The following ADAMTS14 variants were observed in gnomAD, a reference collection of about 807,000 sequenced individuals.
ADAMTS14 encodes ADAM metallopeptidase with thrombospondin type 1 motif 14.
In ADAMTS14, 100 loss-of-function variants were observed where a neutral mutation model predicts 128.6. The ratio of observed to expected loss-of-function variants is 0.78; its 90% CI spans 0.66 to 0.92. The LOEUF is 0.92. Ranked by LOEUF, ADAMTS14 falls within the 40% of genes least tolerant of loss-of-function variation. ADAMTS14 has a pLI of 0.00. For missense variants in ADAMTS14, 1,562 were observed against 1,658.6 expected (o/e 0.94, Z 1.01); for synonymous variants, 665 against 653.8 (o/e 1.02, Z -0.26).
intron 9 of ADAMTS14, among the ~76,000 whole-genome samples, chr10:70,735,985 C>A (rs1437324420): frequency 6.6e-6 from 1 of 152,216 alleles, no homozygotes; most frequent in Non-Finnish European, 1.5e-5. Context: ...CTCTTCACCT[C>A]CGTGGAATGG....
Position 70,753,994 on chromosome 10 carries a change from G to T in ADAMTS14, c.2924G>T (p.Gly975Val). 1 of 1,566,904 alleles carries T rather than the reference G, an allele frequency of 6.4e-7. No individual in the cohort carries two copies. The change falls in exon 19 of 22, where the codon GGA becomes GTA. Residue 975 changes from glycine (G) to valine (V), a missense_variant. By Grantham distance (109) the Gly-to-Val change is moderately radical. Coordinates refer to ENST00000373207, the MANE Select transcript of ADAMTS14 (RefSeq NM_080722.4). ...RVPCPAQWRL[G>V]AWSQCSATCG... Reference sequence around the variant, plus strand: ...CCCTGCCCAGCCCAGTGGAGGCTGGGAGCCTGGTCCCAGGTGACTTGTCCT... The same window carrying T: ...CCCTGCCCAGCCCAGTGGAGGCTGGTAGCCTGGTCCCAGGTGACTTGTCCT...
intron 18 of ADAMTS14, among the ~76,000 whole-genome samples, chr10:70,753,416 C>A (rs1842402012): frequency 6.6e-6 from 1 of 152,116 alleles, no homozygotes; most frequent in Non-Finnish European, 1.5e-5. Flanking sequence ...TGTTTTGTGC[C>A]CTGACGCTTC....
In ADAMTS14 at chr10:70,736,724, T is replaced by C; in HGVS notation, c.1530T>C (p.Pro510=). The change falls in exon 10 of 22, where the codon CCT becomes CCC. Residue 510 remains proline, a synonymous_variant. Coordinates refer to ENST00000373207, the MANE Select transcript of ADAMTS14 (RefSeq NM_080722.4). ...GCAAGCAGCTGTGGTGCAGCCATCC[T>C]GACAACCCGTACTTCTGCAAGACCA... ...EPCKQLWCSH[P]DNPYFCKTKK... 6.2e-7 allele frequency: 1 copy of C among 1,613,930 alleles called. No homozygotes were observed.
At chr10:70,725,275 A>T (rs1463585453) in intron 4 of ADAMTS14, among the ~76,000 whole-genome samples, 1 of 152,142 alleles carries the variant, frequency 6.6e-6, no homozygotes. Flanking sequence ...CGTGGAAGGG[A>T]AGGCTGAACA....
chr10:70,721,811 T>C (rs936571075), intron 4 of ADAMTS14, among the ~76,000 whole-genome samples: 4 of 152,234 alleles, frequency 2.6e-5, no homozygotes, highest in African/African-American at 9.6e-5. Flanking sequence ...AGCATAGTCC[T>C]CAGTGTGTGA....
intron 2 of ADAMTS14, among the ~76,000 whole-genome samples, chr10:70,693,156 T>TA (rs1239812860): frequency 6.6e-6 from 1 of 152,098 alleles, no homozygotes; most frequent in East Asian, 1.9e-4. Flanking sequence ...AGAACTCACT[T>TA]ACCACCAAGG....
chr10:70,761,261 ATTTG>A lies in ADAMTS14; in HGVS notation c.*409_*412del. On this transcript the variant is annotated 3_prime_UTR_variant, in exon 22 of 22. Coordinates refer to ENST00000373207, the MANE Select transcript of ADAMTS14 (RefSeq NM_080722.4). ...GAGGACCCCTGTGGAGGCCCTGCAT[ATTTG>A]GCCCCTCTCCCCAGAAAGGCAAAGC... is the stretch of plus-strand genomic sequence containing the variant. 1 of 166,836 alleles carries A rather than the reference ATTTG, an allele frequency of 6.0e-6. No individual in the cohort carries two copies. 10.3% of individuals were successfully genotyped at this position (166,836 alleles called of 1,614,324 possible). A position where few individuals can be genotyped will look rare whatever the true frequency, so the allele number is the denominator to read the frequency against.
At chr10:70,673,818 C>A (rs73276149) in intron 1 of ADAMTS14, among the ~76,000 whole-genome samples, 1 of 152,074 alleles carries the variant, frequency 6.6e-6, no homozygotes, top group Non-Finnish European at 1.5e-5. Flanking sequence ...AGGAGAGCTG[C>A]GTGAGGATGG....
At chr10:70,716,658 C>G (rs375376398) in intron 4 of ADAMTS14, among the ~76,000 whole-genome samples, 1 of 152,208 alleles carries the variant, frequency 6.6e-6, no homozygotes. Flanking sequence ...TTGCATTCCC[C>G]TTGGAACACC....
intron 4 of ADAMTS14, among the ~76,000 whole-genome samples, chr10:70,723,513 T>C (rs1345940332): frequency 6.6e-6 from 1 of 152,236 alleles, no homozygotes; most frequent in Non-Finnish European, 1.5e-5. Flanking sequence ...AACTTTTAGC[T>C]GAACCTAAAG....
chr10:70,745,404 T>C (rs1564554204), intron 15 of ADAMTS14, 98 bp downstream of exon 15: 1 of 1,289,846 alleles, frequency 7.8e-7, no homozygotes, highest in African/African-American at 1.5e-5. Flanking sequence ...CTAGTACAAG[T>C]GGAATTGTAC....
At chr10:70,701,137 G>C (rs1465992748) in intron 2 of ADAMTS14, among the ~76,000 whole-genome samples, 1 of 152,226 alleles carries the variant, frequency 6.6e-6, no homozygotes, top group African/African-American at 2.4e-5. Context: ...GAAAAGGTTG[G>C]CTGCTGCTGG....
chr10:70,687,428 A>C (rs1589262883), intron 2 of ADAMTS14, among the ~76,000 whole-genome samples: 1 of 23,414 alleles, frequency 4.3e-5, no homozygotes, highest in Non-Finnish European at 8.0e-5. Flanking sequence ...GGCGCCCCTC[A>C]ACTCCCAGAC....
chr10:70,736,043 T>G (rs1168838210), intron 9 of ADAMTS14, among the ~76,000 whole-genome samples: 2 of 152,198 alleles, frequency 1.3e-5, no homozygotes, highest in Non-Finnish European at 2.9e-5. Flanking sequence ...GTCTGGGACA[T>G]GTGGTCTGAC....
At position 70,672,857 on chromosome 10, in the gene ADAMTS14, T is replaced by A. The variant is rs777117857; in HGVS notation, c.55T>A (p.Cys19Ser). The change falls in exon 1 of 22, where the codon TGC (cysteine) becomes AGC (serine). Residue 19 changes from cysteine (C) to serine (S), a missense_variant. Cys to Ser is a moderately radical substitution (Grantham distance 112). Coordinates refer to ENST00000373207, the MANE Select transcript of ADAMTS14 (RefSeq NM_080722.4). Reference protein sequence around the residue: ...SYLLPLHCALCAAAGSRTPEL... With the variant: ...SYLLPLHCALSAAAGSRTPEL... ...CCTGCTGCCTTTGCACTGTGCGCTCTGCGCCGCCGCGGGCAGCCGGACCCC... is the reference window on the plus strand; with the variant it reads ...CCTGCTGCCTTTGCACTGTGCGCTCAGCGCCGCCGCGGGCAGCCGGACCCC... 4.7e-4 allele frequency: 707 copies of A among 1,505,840 alleles called. No homozygotes were observed. Among genetic ancestry groups the A allele is most frequent in the Admixed American group, 7.5e-4 (35 of 46,572 alleles). The allele number at this position is 1,505,840 out of a possible 1,614,324, so 93.3% of individuals were successfully genotyped here.
rs762148250 is a variant in ADAMTS14, at chr10:70,674,888, G to A, written c.415G>A (p.Asp139Asn). The A allele has an allele frequency of 9.9e-6, 16 of 1,613,344 alleles. No homozygotes were observed. The South Asian group carries it at 1.6e-4, about 17-fold the overall frequency. The change falls in exon 2 of 22, where the codon GAT (aspartate) becomes AAT (asparagine). Residue 139 changes from aspartate (D) to asparagine (N), a missense_variant. Coordinates refer to ENST00000373207, the MANE Select transcript of ADAMTS14 (RefSeq NM_080722.4). ...VPGSSVEWQE[D>N]FRELFRQPLR... is the part of the protein sequence containing the mutation. ...AGGATCCTCAGTGGAGTGGCAGGAG[G>A]ATTTTCGGGAGCTGTTCCGGCAGCC...
intron 4 of ADAMTS14, among the ~76,000 whole-genome samples, chr10:70,718,243 C>A (rs908805310): frequency 2.0e-5 from 3 of 152,132 alleles, no homozygotes; most frequent in Admixed American, 1.3e-4. Context: ...AGCAGACAAT[C>A]CTCTTCTTTC....
Position 70,733,956 on chromosome 10 carries a change from C to T in ADAMTS14, c.1280C>T (p.Pro427Leu). ...DETSLGSVMAPLVQAAFHRFH... is the reference protein window; with the variant it reads ...DETSLGSVMALLVQAAFHRFH... ...ACCAGCCTGGGCAGCGTCATGGCGC[C>T]CCTGGTGCAGGCTGCCTTCCACCGC... The change falls in exon 8 of 22, where the codon CCC (proline) becomes CTC (leucine). Residue 427 changes from proline (P) to leucine (L), a missense_variant. By Grantham distance (98) the Pro-to-Leu change is moderately conservative (BLOSUM62 -3). Transcript: ENST00000373207. 1 of 1,613,920 alleles carries T rather than the reference C, an allele frequency of 6.2e-7. No individual in the cohort carries two copies. Among genetic ancestry groups the T allele is most frequent in the Non-Finnish European group, 8.5e-7 (1 of 1,180,000 alleles).
chr10:70,693,758 C>T (rs1840255377), intron 2 of ADAMTS14, among the ~76,000 whole-genome samples: 1 of 152,202 alleles, frequency 6.6e-6, no homozygotes, highest in Admixed American at 6.5e-5. Context: ...TTTCACCCAG[C>T]ATCTTCCAGG....
Sources: allele counts gnomAD v4.1 joint callset (sites outside exome capture counted in the v4.1 genomes callset), GRCh38; gene constraint gnomAD v4.1.1; transcripts MANE v1.5; gene names NCBI Gene and HGNC (gene_info 2026-07-23, HGNC 2026-07-21).